GRID2: variants seen among roughly 807,000 people sequenced by gnomAD.
The protein encoded by GRID2 is glutamate receptor ionotropic, delta-2.
In GRID2, 33 loss-of-function variants were observed where a neutral mutation model predicts 114.8. The ratio of observed to expected loss-of-function variants is 0.29; its 90% CI spans 0.22 to 0.38. GRID2 has a LOEUF of 0.38. Among genes scored for constraint, GRID2 ranks in the 10% least tolerant of loss-of-function variants. GRID2 has a pLI of 1.00. For synonymous variants in GRID2, 505 were observed against 449.9 expected (o/e 1.12, Z -1.55); for missense variants, 1,184 against 1,257.7 (o/e 0.94, Z 0.89).
At chr4:93,086,268 C>G (rs1016419803) in intron 3 of GRID2, among the ~76,000 whole-genome samples, 2 of 152,176 alleles carry the variant, frequency 1.3e-5, no homozygotes, top group African/African-American at 4.8e-5. Context: ...GGATTTCACT[C>G]TCTGTAGCAT....
chr4:93,332,133 G>A (rs1758527818), intron 8 of GRID2, among the ~76,000 whole-genome samples: 1 of 152,000 alleles, frequency 6.6e-6, no homozygotes, highest in African/African-American at 2.4e-5. Context: ...GTAACTATAA[G>A]AAGTACAACT....
In GRID2 at chr4:92,929,325, A is replaced by G. The variant is rs147415759; in HGVS notation, c.245-155670A>G. On this transcript the variant is annotated intron_variant, in intron 2 of 15. Coordinates refer to ENST00000282020, the MANE Select transcript of GRID2 (RefSeq NM_001510.4). ...GGATACAGATTTCCTTGATTTTTTA[A>G]TACATTCATAATTTTGTTTCTTTTT... Among the ~76,000 whole-genome samples the G allele has an allele frequency of 5.0e-3, 756 of 151,416 alleles. 1 individual carries two copies. The highest frequency in any genetic ancestry group is 0.017 in the African/African-American group (723 of 41,434).
chr4:92,525,277 A>AC (rs1724989023), intron 1 of GRID2, among the ~76,000 whole-genome samples: 2 of 152,080 alleles, frequency 1.3e-5, no homozygotes, highest in South Asian at 4.1e-4. Flanking sequence ...TCGGTGAAAA[A>AC]AAAACAAAAA....
chr4:92,630,049 T>C (rs1730724001), intron 2 of GRID2, among the ~76,000 whole-genome samples: 2 of 151,858 alleles, frequency 1.3e-5, no homozygotes, highest in Admixed American at 6.6e-5. Context: ...AACAGTGTGA[T>C]AAAATGTTGT....
chr4:92,493,649 C>T (rs1579461991), intron 1 of GRID2, among the ~76,000 whole-genome samples: 2 of 152,260 alleles, frequency 1.3e-5, no homozygotes, highest in Non-Finnish European at 2.9e-5. Context: ...TATTTCACTT[C>T]CTTTATTTGT....
intron 14 of GRID2, among the ~76,000 whole-genome samples, chr4:93,676,942 A>T (rs1354593319): frequency 6.6e-6 from 1 of 152,088 alleles, no homozygotes. Context: ...CAGTGGGTGC[A>T]GCGCTCCATG....
At chr4:92,913,202 A>T (rs2149492958) in intron 2 of GRID2, among the ~76,000 whole-genome samples, 2 of 151,960 alleles carry the variant, frequency 1.3e-5, no homozygotes, top group South Asian at 4.1e-4. Flanking sequence ...TGTGAATATC[A>T]AGTTTGAAAT....
chr4:93,062,367 A>G (rs1213436779), intron 2 of GRID2, among the ~76,000 whole-genome samples: 1 of 152,250 alleles, frequency 6.6e-6, no homozygotes, highest in East Asian at 1.9e-4. Context: ...GAAGTAATCT[A>G]GCAATTATAA....
At chr4:93,594,091 C>G (rs1038089600) in intron 13 of GRID2, among the ~76,000 whole-genome samples, 2 of 152,208 alleles carry the variant, frequency 1.3e-5, no homozygotes, top group African/African-American at 2.4e-5. Flanking sequence ...TGTTCCGTTG[C>G]TGGTGAGGAG....
At chr4:93,179,666 A>G (rs561534313) in intron 4 of GRID2, among the ~76,000 whole-genome samples, 36 of 152,334 alleles carry the variant, frequency 2.4e-4, no homozygotes, top group East Asian at 1.9e-3. Flanking sequence ...AAACAATTCA[A>G]TATGGTAAGA....
chr4:92,716,080 C>T (rs567049820), intron 2 of GRID2, among the ~76,000 whole-genome samples: 1 of 152,238 alleles, frequency 6.6e-6, no homozygotes, highest in South Asian at 2.1e-4. Flanking sequence ...ATGTAAATGA[C>T]ATAGTCATTA....
intron 9 of GRID2, among the ~76,000 whole-genome samples, chr4:93,400,984 A>C (rs116572162): frequency 6.6e-6 from 1 of 151,868 alleles, no homozygotes; most frequent in East Asian, 1.9e-4. Flanking sequence ...CTACAGGTGC[A>C]TGCCACCGTG....
At chr4:92,805,476 T>A (rs1740364976) in intron 2 of GRID2, among the ~76,000 whole-genome samples, 1 of 152,064 alleles carries the variant, frequency 6.6e-6, no homozygotes, top group African/African-American at 2.4e-5. Context: ...GCAAAAGCAT[T>A]TCTTTCATTT....
At chr4:92,772,664 G>A (rs183258571) in intron 2 of GRID2, among the ~76,000 whole-genome samples, 5 of 151,946 alleles carry the variant, frequency 3.3e-5, no homozygotes, top group Admixed American at 2.0e-4. Context: ...ATAAATTTGC[G>A]ACCCCATGTT....
intron 1 of GRID2, among the ~76,000 whole-genome samples, chr4:92,388,912 G>A (rs1730110849): frequency 6.6e-6 from 1 of 151,964 alleles, no homozygotes; most frequent in Non-Finnish European, 1.5e-5. Flanking sequence ...AAGGTTTTGT[G>A]GTCAATGAAA....
intron 14 of GRID2, among the ~76,000 whole-genome samples, chr4:93,678,988 G>C (rs1041827488): frequency 6.6e-6 from 1 of 151,112 alleles, no homozygotes; most frequent in Non-Finnish European, 1.5e-5. Context: ...CTGGCAAATT[G>C]GATAAAGAGT....
intron 2 of GRID2, among the ~76,000 whole-genome samples, chr4:92,747,450 A>G (rs1737208166): frequency 6.6e-6 from 1 of 152,136 alleles, no homozygotes; most frequent in Admixed American, 6.5e-5. Flanking sequence ...TGCATTATTC[A>G]GCGTATGTTT....
intron 8 of GRID2, among the ~76,000 whole-genome samples, chr4:93,283,890 G>A (rs892348122): frequency 6.6e-6 from 1 of 151,980 alleles, no homozygotes; most frequent in African/African-American, 2.4e-5. Context: ...TTATCTGCGG[G>A]TAGTAGTTTA....
intron 4 of GRID2, among the ~76,000 whole-genome samples, chr4:93,158,871 G>T (rs914494126): frequency 4.0e-5 from 6 of 151,558 alleles, no homozygotes; most frequent in African/African-American, 1.2e-4. Context: ...TTTTCAGAAG[G>T]TGCTGAAGAT....
Sources: allele counts gnomAD v4.1 joint callset (sites outside exome capture counted in the v4.1 genomes callset), GRCh38; gene constraint gnomAD v4.1.1; transcripts MANE v1.5; gene names NCBI Gene and HGNC (gene_info 2026-07-23, HGNC 2026-07-21).